The following CDC42EP3 variants were observed in gnomAD, a reference collection of about 807,000 sequenced individuals.
CDC42EP3 encodes the protein CDC42 effector protein (Rho GTPase binding) 3.
Under a neutral mutation model 15.5 loss-of-function variants are expected in CDC42EP3, and 4 were observed. The observed-to-expected ratio is 0.26, with a 90% confidence interval of 0.13 to 0.59. The LOEUF is 0.59. CDC42EP3 is among the 20% of genes least tolerant of loss of function. The probability of loss-of-function intolerance (pLI) is 0.89; values close to 1 mark genes in which losing one functional copy is unlikely to be tolerated. For synonymous variants in CDC42EP3, 145 were observed against 130.3 expected (o/e 1.11, Z -0.77); for missense variants, 309 against 311.2 (o/e 0.99, Z 0.05).
At chr2:37,665,373 C>T (rs1205735250) in intron 1 of CDC42EP3, among the ~76,000 whole-genome samples, 1 of 151,112 alleles carries the variant, frequency 6.6e-6, no homozygotes, top group Non-Finnish European at 1.5e-5. Flanking sequence ...GATTTGTTTT[C>T]TGACTAGCTG....
intron 1 of CDC42EP3, among the ~76,000 whole-genome samples, chr2:37,663,287 T>G (rs1447850829): frequency 6.6e-6 from 1 of 152,238 alleles, no homozygotes; most frequent in African/African-American, 2.4e-5. Context: ...GCCTACTAAG[T>G]GCCAGGCACT....
At chr2:37,658,845 G>A (rs752149682) in intron 1 of CDC42EP3, among the ~76,000 whole-genome samples, 18 of 148,270 alleles carry the variant, frequency 1.2e-4, no homozygotes, top group Non-Finnish European at 1.6e-4. Context: ...CTGCCTCCCC[G>A]GTCCTTCCAC....
intron 1 of CDC42EP3, among the ~76,000 whole-genome samples, chr2:37,661,464 G>A (rs1666054489): frequency 6.6e-6 from 1 of 152,204 alleles, no homozygotes; most frequent in African/African-American, 2.4e-5. Flanking sequence ...GAGACGTAGA[G>A]GGAGCTTCAT....
chr2:37,665,351 G>C (rs1190188641), intron 1 of CDC42EP3, among the ~76,000 whole-genome samples: 1 of 151,748 alleles, frequency 6.6e-6, no homozygotes, highest in Admixed American at 6.6e-5. Context: ...AGCCTGCCCA[G>C]AGAAGGGGAA....
At position 37,645,911 on chromosome 2, in the gene CDC42EP3, T is replaced by C; in HGVS notation, c.677A>G (p.Asp226Gly). Reference sequence around the variant, plus strand: ...CAGGGAGAGGAGGGAACCTGTAAGGTCAGAGAGGGACTCCTCTGACTTAGT... The same window carrying C: ...CAGGGAGAGGAGGGAACCTGTAAGGCCAGAGAGGGACTCCTCTGACTTAGT... ...GKTKSEESLSDLTGSLLSLQL... is the reference protein window; with the variant it reads ...GKTKSEESLSGLTGSLLSLQL... The change falls in exon 2 of 2, where the codon GAC (aspartate) becomes GGC (glycine). Residue 226 changes from aspartate to glycine, a missense_variant. Physicochemically the swap from Asp to Gly is moderately conservative, Grantham distance 94. Transcript: ENST00000295324. 6.2e-7 allele frequency: 1 copy of C among 1,611,904 alleles called. No individual in the cohort carries two copies. The highest frequency in any genetic ancestry group is 8.5e-7 in the Non-Finnish European group (1 of 1,179,016).
intron 1 of CDC42EP3, among the ~76,000 whole-genome samples, chr2:37,656,979 G>GA (rs1665871944): frequency 2.5e-5 from 2 of 79,810 alleles, no homozygotes; most frequent in Non-Finnish European, 4.6e-5. Flanking sequence ...AAGTAACAAA[G>GA]CCCCCCCCCC....
intron 1 of CDC42EP3, among the ~76,000 whole-genome samples, chr2:37,652,175 A>AC (rs1491241726): frequency 5.9e-5 from 1 of 16,920 alleles, no homozygotes; most frequent in African/African-American, 2.7e-4. Flanking sequence ...ACTCCCTCTC[A>AC]AAAAAAAAAA....
At chr2:37,659,032 G>C (rs1665970154) in intron 1 of CDC42EP3, among the ~76,000 whole-genome samples, 1 of 152,322 alleles carries the variant, frequency 6.6e-6, no homozygotes, top group Non-Finnish European at 1.5e-5. Flanking sequence ...TGAATCTCCT[G>C]CCAGTTCCCC....
chr2:37,658,234 G>A (rs543779961), intron 1 of CDC42EP3, among the ~76,000 whole-genome samples: 10 of 152,304 alleles, frequency 6.6e-5, no homozygotes, highest in South Asian at 2.1e-4. Flanking sequence ...TACAGTCCAT[G>A]ATGAGATAAG....
chr2:37,651,953 A>G (rs990386644), intron 1 of CDC42EP3, among the ~76,000 whole-genome samples: 1 of 152,088 alleles, frequency 6.6e-6, no homozygotes, highest in Non-Finnish European at 1.5e-5. Context: ...AGGCGGGCAG[A>G]TCACAAGATC....
intron 1 of CDC42EP3, among the ~76,000 whole-genome samples, chr2:37,650,258 C>A (rs1288123759): frequency 3.3e-5 from 5 of 152,222 alleles, no homozygotes; most frequent in Admixed American, 1.3e-4. Flanking sequence ...CTGACCACTT[C>A]CTTCTCTCTC....
At chr2:37,664,426 G>A (rs1043102581) in intron 1 of CDC42EP3, among the ~76,000 whole-genome samples, 10 of 152,108 alleles carry the variant, frequency 6.6e-5, no homozygotes, top group African/African-American at 2.4e-4. Flanking sequence ...TAACTTCCTT[G>A]TTCCTCAGCT....
In CDC42EP3 at chr2:37,643,205, A is replaced by G. The variant is rs897627750; in HGVS notation, c.*2618T>C. On this transcript the variant is annotated 3_prime_UTR_variant, in exon 2 of 2. Transcript: ENST00000295324. ...ATTAGGTTAAAGTGGGAGAAGGTTC[A>G]CAGGATGAGAACATCAATTCAGCTC... 6.6e-6 allele frequency: 1 copy of G among 152,190 alleles called. No individual in the cohort carries two copies. The highest frequency in any genetic ancestry group is 1.5e-5 in the Non-Finnish European group (1 of 68,024). The allele number at this position is 152,190 out of a possible 1,614,324, so 9.4% of individuals were successfully genotyped here.
rs145536375 is a variant in CDC42EP3 at position 37,645,974 on chromosome 2, A to C, written c.614T>G (p.Phe205Cys). 8.7e-6 allele frequency: 14 copies of C among 1,613,964 alleles called. No individual in the cohort carries two copies. The African/African-American group carries it at 1.6e-4, about 18-fold the overall frequency. Residue 205 changes from phenylalanine (F) to cysteine (C), a missense_variant, in exon 2 of 2, where the codon TTT becomes TGT. Transcript: ENST00000295324. The stretch of plus-strand genomic sequence containing the variant: ...GAGCTCGCATGGGGTGGGATGGTCA[A>C]ACATGTCCTCGGCTGGCCAGTCGGG... ...QYPDWPAEDM[F>C]DHPTPCELIK...
chr2:37,648,509 G>A (rs908376668), intron 1 of CDC42EP3, among the ~76,000 whole-genome samples: 1 of 152,236 alleles, frequency 6.6e-6, no homozygotes, highest in Admixed American at 6.5e-5. Flanking sequence ...CTAGCTCAGC[G>A]TGTCAGCATG....
chr2:37,647,615 C>CT (rs1665519198), intron 1 of CDC42EP3: 2 of 152,458 alleles, frequency 1.3e-5, no homozygotes, highest in Non-Finnish European at 1.5e-5. Context: ...AGGCTATATC[C>CT]TCCATGCAGT....
In CDC42EP3 at chr2:37,646,090, G is replaced by A. The variant is rs917027547; in HGVS notation, c.498C>T (p.His166=). ...TGGAGCCCCACGAGGTGTCTCCCTG[G>A]TGGACTGTCCCATTCTCCAACAGAC... is the stretch of plus-strand genomic sequence containing the variant. ...KSSLLENGTV[H]QGDTSWGSSG... The change falls in exon 2 of 2, where the codon CAC becomes CAT. Residue 166 remains histidine, a synonymous_variant. Coordinates refer to ENST00000295324, the MANE Select transcript of CDC42EP3 (RefSeq NM_006449.5). 4 of 1,614,090 alleles carry A rather than the reference G, an allele frequency of 2.5e-6. No homozygotes were observed. The highest frequency in any genetic ancestry group is 3.4e-6 in the Non-Finnish European group (4 of 1,180,052).
At chr2:37,655,350 C>T (rs1220889185) in intron 1 of CDC42EP3, among the ~76,000 whole-genome samples, 1 of 152,160 alleles carries the variant, frequency 6.6e-6, no homozygotes, top group African/African-American at 2.4e-5. Context: ...CCACAAATAC[C>T]ATATGTGAGA....
chr2:37,655,085 A>T (rs1400600160), intron 1 of CDC42EP3, among the ~76,000 whole-genome samples: 2 of 152,200 alleles, frequency 1.3e-5, no homozygotes, highest in Non-Finnish European at 2.9e-5. Context: ...CTATTTTTAG[A>T]TTCTTACCCT....
Sources: gnomAD v4.1 joint callset for allele counts (sites outside exome capture counted in the v4.1 genomes callset) on GRCh38, gnomAD v4.1.1 for gene constraint, MANE v1.5 for transcripts, NCBI Gene and HGNC (gene_info 2026-07-23, HGNC 2026-07-21) for gene names.